RBFOX1: variants seen among roughly 807,000 people sequenced by gnomAD.
RBFOX1 encodes the protein RNA binding fox-1 homolog 1, also known as RNA binding protein fox-1 homolog 1.
A neutral mutation model predicts 57.7 loss-of-function variants in RBFOX1; 8 were observed. The observed-to-expected ratio is 0.14, with a 90% CI of 0.08 to 0.25. The LOEUF is 0.25. Among genes scored for constraint, RBFOX1 ranks in the 10% least tolerant of loss-of-function variants. The probability of loss-of-function intolerance (pLI) is 1.00; values close to 1 mark genes in which losing one functional copy is unlikely to be tolerated. For missense variants in RBFOX1, 611 were observed against 548.5 expected, an observed-to-expected ratio of 1.11 and a Z score of -1.14; for synonymous variants, 326 against 222.4, an observed-to-expected ratio of 1.47 and a Z score of -4.15.
At chr16:6,250,386 C>T (rs1448968049) in intron 1 of RBFOX1, among the ~76,000 whole-genome samples, 3 of 152,114 alleles carry the variant, frequency 2.0e-5, no homozygotes, top group Admixed American at 1.3e-4. Context: ...AGTCACTCCT[C>T]TTGACATTGC....
intron 4 of RBFOX1, among the ~76,000 whole-genome samples, chr16:7,183,132 G>T (rs1166674025): frequency 6.6e-6 from 1 of 152,166 alleles, no homozygotes; most frequent in African/African-American, 2.4e-5. Context: ...GCTGGGATCA[G>T]TATTCAACCC....
intron 3 of RBFOX1, among the ~76,000 whole-genome samples, chr16:5,690,741 G>A (rs536328367): frequency 5.8e-4 from 89 of 152,228 alleles, no homozygotes; most frequent in African/African-American, 8.4e-4. Flanking sequence ...GGTGAGGGGC[G>A]CGTATGTCTT....
intron 1 of RBFOX1, among the ~76,000 whole-genome samples, chr16:5,446,701 C>A (rs1388723028): frequency 6.6e-6 from 1 of 152,064 alleles, no homozygotes; most frequent in Non-Finnish European, 1.5e-5. Context: ...GGAAGTATTG[C>A]AGTACTCCAA....
At chr16:5,396,245 C>T (rs1385605084) in intron 1 of RBFOX1, among the ~76,000 whole-genome samples, 1 of 152,172 alleles carries the variant, frequency 6.6e-6, no homozygotes, top group Non-Finnish European at 1.5e-5. Context: ...GGTATAAATG[C>T]ACGAAAATTA....
chr16:6,095,380 C>T (rs1480902881), intron 1 of RBFOX1, among the ~76,000 whole-genome samples: 2 of 152,234 alleles, frequency 1.3e-5, no homozygotes, highest in Non-Finnish European at 2.9e-5. Context: ...TCCAACACCT[C>T]ACTCTTTTTA....
intron 2 of RBFOX1, among the ~76,000 whole-genome samples, chr16:6,397,194 C>G (rs971258733): frequency 8.6e-5 from 13 of 152,042 alleles, no homozygotes; most frequent in African/African-American, 3.1e-4. Flanking sequence ...AAACTTCAAG[C>G]AAGCAAAATA....
chr16:6,373,430 A>G (rs563098163), intron 2 of RBFOX1, among the ~76,000 whole-genome samples: 1 of 151,798 alleles, frequency 6.6e-6, no homozygotes, highest in Non-Finnish European at 1.5e-5. Flanking sequence ...GATTGGGTGG[A>G]AGTATAACTG....
At chr16:7,613,327 G>T (rs1002902325) in intron 10 of RBFOX1, among the ~76,000 whole-genome samples, 2 of 152,168 alleles carry the variant, frequency 1.3e-5, no homozygotes, top group African/African-American at 4.8e-5. Flanking sequence ...AAGGTGGTCA[G>T]GTCTTGAAAC....
intron 4 of RBFOX1, among the ~76,000 whole-genome samples, chr16:7,365,026 G>T (rs79058131): frequency 6.6e-6 from 1 of 152,072 alleles, no homozygotes; most frequent in East Asian, 1.9e-4. Flanking sequence ...CTATCCATCC[G>T]TCCGTCCGTC....
chr16:7,538,077 A>G (rs1431245075), intron 5 of RBFOX1, among the ~76,000 whole-genome samples: 3 of 152,186 alleles, frequency 2.0e-5, no homozygotes, highest in Non-Finnish European at 4.4e-5. Flanking sequence ...CAGAGTGATC[A>G]GCTCTGGGTT....
chr16:6,858,030 C>G (rs1320907633), intron 3 of RBFOX1, among the ~76,000 whole-genome samples: 3 of 152,326 alleles, frequency 2.0e-5, no homozygotes, highest in East Asian at 3.9e-4. Flanking sequence ...CTTTTCTCTT[C>G]TACTCACAAA....
At chr16:5,658,614 T>C (rs184902122) in intron 3 of RBFOX1, among the ~76,000 whole-genome samples, 10 of 152,122 alleles carry the variant, frequency 6.6e-5, no homozygotes, top group Non-Finnish European at 1.5e-5. Flanking sequence ...TGTTTGGTTT[T>C]CCATTCTTGA....
At chr16:7,333,773 T>C (rs1219988831) in intron 4 of RBFOX1, among the ~76,000 whole-genome samples, 1 of 152,128 alleles carries the variant, frequency 6.6e-6, no homozygotes, top group African/African-American at 2.4e-5. Flanking sequence ...GGACCTTTTT[T>C]TTTCCCCCTC....
chr16:6,488,505 A>T (rs1342296269), intron 2 of RBFOX1, among the ~76,000 whole-genome samples: 4 of 152,172 alleles, frequency 2.6e-5, no homozygotes, highest in Non-Finnish European at 5.9e-5. Flanking sequence ...CAACTCTGCA[A>T]GGTAGGTATT....
chr16:5,857,974 A>G (rs1167128339), intron 3 of RBFOX1, among the ~76,000 whole-genome samples: 9 of 151,822 alleles, frequency 5.9e-5, no homozygotes, highest in Admixed American at 5.9e-4. Flanking sequence ...ATGTTATAAA[A>G]TATCATTTTG....
intron 4 of RBFOX1, among the ~76,000 whole-genome samples, chr16:7,191,272 G>T (rs1339524969): frequency 6.6e-6 from 1 of 151,918 alleles, no homozygotes. Context: ...TTCCAGTCAT[G>T]GCACATCAGA....
chr16:7,274,172 C>G (rs1335128425), intron 4 of RBFOX1, among the ~76,000 whole-genome samples: 1 of 152,172 alleles, frequency 6.6e-6, no homozygotes, highest in East Asian at 1.9e-4. Flanking sequence ...TGCGTTCTTT[C>G]AATGGCAGTC....
At chr16:5,637,621 C>T (rs192841629) in intron 3 of RBFOX1, among the ~76,000 whole-genome samples, 74 of 152,292 alleles carry the variant, frequency 4.9e-4, no homozygotes, top group African/African-American at 1.7e-3. Context: ...CCTTTTGTGC[C>T]TTGGGTTTTT....
intron 2 of RBFOX1, among the ~76,000 whole-genome samples, chr16:6,574,354 T>G (rs1476673615): frequency 6.6e-6 from 1 of 151,888 alleles, no homozygotes; most frequent in Non-Finnish European, 1.5e-5. Flanking sequence ...CGTCAGTTTT[T>G]CACTAGCGTG....
Sources: allele counts gnomAD v4.1 joint callset (sites outside exome capture counted in the v4.1 genomes callset), GRCh38; gene constraint gnomAD v4.1.1; transcripts MANE v1.5; gene names NCBI Gene and HGNC (gene_info 2026-07-23, HGNC 2026-07-21).